CPQ: variants seen among roughly 807,000 people sequenced by gnomAD.
The protein encoded by CPQ is Ser-Met dipeptidase.
CPQ carries 37 observed loss-of-function variants against 45.7 expected under a neutral mutation model. That is an observed-to-expected ratio of 0.81 (90% CI 0.62 to 1.07). CPQ has a LOEUF of 1.07. Ranked by LOEUF, CPQ falls within the 50% of genes least tolerant of loss-of-function variation. The pLI, the probability that CPQ is intolerant of heterozygous loss-of-function variation, is 0.00. For missense variants in CPQ, 537 were observed against 572.9 expected (o/e 0.94, Z 0.64); for synonymous variants, 186 against 205.8 (o/e 0.90, Z 0.82).
chr8:96,711,313 G>T (rs1308560920), intron 1 of CPQ, among the ~76,000 whole-genome samples: 3 of 152,144 alleles, frequency 2.0e-5, no homozygotes, highest in Middle Eastern at 3.4e-3. Flanking sequence ...GGAGCGTTTA[G>T]ACAATTTACA....
intron 1 of CPQ, among the ~76,000 whole-genome samples, chr8:96,743,492 C>T (rs12678057): frequency 0.53 from 79,741 of 150,390 alleles, 22,279 homozygotes; most frequent in East Asian, 0.86. Flanking sequence ...AGTCATTCTC[C>T]ATCCAGCTTT....
At chr8:97,043,734 A>C (rs200956796) in intron 6 of CPQ, among the ~76,000 whole-genome samples, 28 of 152,164 alleles carry the variant, frequency 1.8e-4, no homozygotes, top group African/African-American at 2.9e-4. Flanking sequence ...ATTTCTCCTT[A>C]ACTTATGAAG....
chr8:96,645,872 C>G (rs555742495), intron 1 of CPQ, among the ~76,000 whole-genome samples: 1 of 151,176 alleles, frequency 6.6e-6, no homozygotes, highest in South Asian at 2.1e-4. Flanking sequence ...TTTGATGCGT[C>G]TAGTTTCTGC....
rs769407165 is a variant in CPQ, at chr8:97,066,218, C to A, written c.1255+8C>A. The A allele has an allele frequency of 1.2e-6, 2 of 1,604,860 alleles. No homozygotes were observed. Among genetic ancestry groups the A allele is most frequent in the East Asian group, 4.5e-5 (2 of 44,730 alleles). The stretch of plus-strand genomic sequence containing the variant: ...TCCAAGCTGGAGTGCCTGGTAAGAC[C>A]AAAAGATGAAGTTGTGTTCCTTATA... On this transcript the variant is annotated splice_region_variant and intron_variant, in intron 7 of 7. Coordinates refer to ENST00000220763, the MANE Select transcript of CPQ (RefSeq NM_016134.4).
intron 1 of CPQ, among the ~76,000 whole-genome samples, chr8:96,721,215 G>C (rs1000357037): frequency 6.6e-6 from 1 of 151,880 alleles, no homozygotes; most frequent in Non-Finnish European, 1.5e-5. Flanking sequence ...TTAGCACTTT[G>C]AATTCTGCCT....
chr8:96,759,027 G>A (rs1167278799), intron 1 of CPQ, among the ~76,000 whole-genome samples: 3 of 152,166 alleles, frequency 2.0e-5, no homozygotes, highest in Non-Finnish European at 4.4e-5. Flanking sequence ...GACAAAGTTC[G>A]AGTAATATTT....
intron 7 of CPQ, among the ~76,000 whole-genome samples, chr8:97,137,130 C>T (rs1812073963): frequency 1.3e-5 from 2 of 152,340 alleles, no homozygotes; most frequent in South Asian, 4.1e-4. Context: ...TTCATGGGAA[C>T]TTAGATGATA....
intron 1 of CPQ, among the ~76,000 whole-genome samples, chr8:96,780,423 G>T (rs578062986): frequency 6.6e-6 from 1 of 152,132 alleles, no homozygotes; most frequent in Non-Finnish European, 1.5e-5. Context: ...GAGCCTGTGC[G>T]TTTGAAGAAC....
At chr8:97,063,346 G>C (rs928293772) in intron 6 of CPQ, among the ~76,000 whole-genome samples, 3 of 151,986 alleles carry the variant, frequency 2.0e-5, no homozygotes, top group Non-Finnish European at 4.4e-5. Flanking sequence ...TTGTAAATTT[G>C]TTTAAGTTCC....
chr8:96,747,305 A>C (rs1474365823), intron 1 of CPQ, among the ~76,000 whole-genome samples: 1 of 151,924 alleles, frequency 6.6e-6, no homozygotes, highest in Non-Finnish European at 1.5e-5. Context: ...AAAAAAAAAA[A>C]AAACACTGTT....
At position 96,890,105 on chromosome 8, in the gene CPQ, T is replaced by C. The variant is rs768448480; in HGVS notation, c.849+10100T>C. ...ATGCCTAATATAATACAGCTATCTC[T>C]TGTGCAACCCGGAGCACACTAATTG... On this transcript the variant is annotated intron_variant, in intron 4 of 7. Transcript: ENST00000220763. 3.3e-4 allele frequency among the ~76,000 whole-genome samples: 50 copies of C among 152,226 alleles called. 1 individual carries two copies. The highest frequency in any genetic ancestry group is 4.4e-4 in the Non-Finnish European group (30 of 68,044).
intron 7 of CPQ, among the ~76,000 whole-genome samples, chr8:97,094,706 C>T (rs892156107): frequency 6.6e-6 from 1 of 152,160 alleles, no homozygotes. Flanking sequence ...TCTCTCTCTT[C>T]TCTAAACTTT....
chr8:97,119,016 C>G (rs1811646081), intron 7 of CPQ, among the ~76,000 whole-genome samples: 1 of 152,048 alleles, frequency 6.6e-6, no homozygotes, highest in African/African-American at 2.4e-5. Flanking sequence ...TATTTAGTCT[C>G]TGACCCTGAA....
chr8:96,831,784 G>A (rs988301327), intron 2 of CPQ, among the ~76,000 whole-genome samples: 1 of 152,082 alleles, frequency 6.6e-6, no homozygotes, highest in African/African-American at 2.4e-5. Context: ...GTCCCTCAGG[G>A]CCAGAAGAGA....
At chr8:96,768,367 C>T (rs1372953465) in intron 1 of CPQ, among the ~76,000 whole-genome samples, 1 of 151,598 alleles carries the variant, frequency 6.6e-6, no homozygotes, top group Non-Finnish European at 1.5e-5. Context: ...TTCCCCTTGA[C>T]GCCACGGAGA....
chr8:97,013,522 A>C (rs556186554), intron 5 of CPQ, among the ~76,000 whole-genome samples: 1 of 152,334 alleles, frequency 6.6e-6, no homozygotes, highest in East Asian at 1.9e-4. Context: ...AACAGAAAAT[A>C]ACAGCTTTGA....
intron 2 of CPQ, among the ~76,000 whole-genome samples, chr8:96,806,162 C>CAA (rs1392482236): frequency 7.2e-5 from 11 of 152,040 alleles, no homozygotes; most frequent in Non-Finnish European, 1.6e-4. Context: ...TTTTGGTGGG[C>CAA]AATATAGGTT....
intron 4 of CPQ, among the ~76,000 whole-genome samples, chr8:96,888,734 A>G (rs1406001579): frequency 6.6e-6 from 1 of 152,158 alleles, no homozygotes; most frequent in Non-Finnish European, 1.5e-5. Flanking sequence ...CAAATTTTTG[A>G]TCATGGAACA....
chr8:97,122,917 TAAAATAAAATAAATAAAATAAAATA>T (rs1252457623), intron 7 of CPQ, among the ~76,000 whole-genome samples: 1,225 of 59,186 alleles, frequency 0.021, 93 homozygotes, highest in African/African-American at 0.062. Context: ...TAAAATAAAA[TAAAATAAAATAAATAAAATAAAATA>T]AAATAAAATA....
Sources: allele counts gnomAD v4.1 joint callset (sites outside exome capture counted in the v4.1 genomes callset), GRCh38; gene constraint gnomAD v4.1.1; transcripts MANE v1.5; gene names NCBI Gene and HGNC (gene_info 2026-07-23, HGNC 2026-07-21).